FREM2: variants seen among roughly 807,000 people sequenced by gnomAD.
FREM2 encodes the protein FRAS1 related extracellular matrix 2.
In FREM2, 119 loss-of-function variants were observed where a neutral mutation model predicts 219.9. The ratio of observed to expected loss-of-function variants is 0.54; its 90% confidence interval spans 0.47 to 0.63. FREM2 has a LOEUF of 0.63. Ranked by LOEUF, FREM2 falls within the 30% of genes least tolerant of loss-of-function variation. The pLI, the probability that FREM2 is intolerant of heterozygous loss-of-function variation, is 0.00. For missense variants in FREM2, 4,030 were observed against 3,993.6 expected (o/e 1.01, Z -0.25); for synonymous variants, 1,562 against 1,522.8 (o/e 1.03, Z -0.60).
Position 38,691,611 on chromosome 13 carries a change from G to A in FREM2, c.4267G>A (p.Asp1423Asn). ...SIGSIDIVFPDVISKGVSLKE... is the reference protein window; with the variant it reads ...SIGSIDIVFPNVISKGVSLKE... ...CGGGAGCATTGACATTGTCTTCCCT[G>A]ATGTGATAAGTAAGGGAGTGTCCTT... The change falls in exon 1 of 24, where the codon GAT (aspartate) becomes AAT (asparagine). Residue 1423 changes from aspartate (D) to asparagine (N), a missense_variant. Physicochemically the swap from Asp to Asn is conservative, Grantham distance 23 (BLOSUM62 1). Transcript: ENST00000280481. The A allele has an allele frequency of 6.2e-7, 1 of 1,614,038 alleles. No individual in the cohort carries two copies. The highest frequency in any genetic ancestry group is 8.5e-7 in the Non-Finnish European group (1 of 1,179,938).
chr13:38,713,683 C>A (rs948419678), intron 2 of FREM2, among the ~76,000 whole-genome samples: 1 of 152,184 alleles, frequency 6.6e-6, no homozygotes, highest in African/African-American at 2.4e-5. Flanking sequence ...TCATGTTATC[C>A]CTTCCCCAAA....
chr13:38,857,069 T>C (rs1877590387), intron 12 of FREM2, among the ~76,000 whole-genome samples: 1 of 152,198 alleles, frequency 6.6e-6, no homozygotes, highest in South Asian at 2.1e-4. Flanking sequence ...ATGGGCAATC[T>C]TTATCAAATA....
At chr13:38,858,271 T>C (rs74048366) in intron 13 of FREM2, among the ~76,000 whole-genome samples, 168 of 152,178 alleles carry the variant, frequency 1.1e-3, no homozygotes, top group African/African-American at 3.5e-3. Context: ...CTGTCACCAA[T>C]AGAAAAATAA....
intron 16 of FREM2, 104 bp from the exon 17 acceptor site, chr13:38,872,638 A>T: frequency 1.1e-6 from 1 of 899,464 alleles, no homozygotes; most frequent in Non-Finnish European, 1.8e-6. Flanking sequence ...CTCAATGATT[A>T]CTCAAAATCT....
chr13:38,877,037 A>G, intron 20 of FREM2, 80 bp from the exon 21 acceptor site: 2 of 1,455,210 alleles, frequency 1.4e-6, no homozygotes, highest in Admixed American at 1.7e-5. Flanking sequence ...GTGTACGGTG[A>G]ATGTATGTAT....
In FREM2 at chr13:38,880,867, C is replaced by A; in HGVS notation, c.*80C>A. 2 of 1,496,900 alleles carry A rather than the reference C, an allele frequency of 1.3e-6. No individual in the cohort carries two copies. Among genetic ancestry groups the A allele is most frequent in the Non-Finnish European group, 1.8e-6 (2 of 1,081,302 alleles). 92.7% of individuals were successfully genotyped at this position (1,496,900 alleles called of 1,614,324 possible). On this transcript the variant is annotated 3_prime_UTR_variant, in exon 24 of 24. Coordinates refer to ENST00000280481, the MANE Select transcript of FREM2 (RefSeq NM_207361.6). ...GGAACCTTAAATACTTCTGGTAAAC[C>A]ATAGAGAATGGAGGATGGCTGTGAT...
chr13:38,812,929 C>A (rs927656744), intron 6 of FREM2, among the ~76,000 whole-genome samples: 92 of 149,770 alleles, frequency 6.1e-4, no homozygotes, highest in African/African-American at 1.6e-3. Context: ...AAAAAAAAAA[C>A]CCCACAAAAA....
At chr13:38,721,834 T>G (rs77220494) in intron 2 of FREM2, among the ~76,000 whole-genome samples, 2,511 of 152,300 alleles carry the variant, frequency 0.016, 22 homozygotes, top group Middle Eastern at 0.027. Context: ...TCCCAGAAAT[T>G]AAACTCCTGA....
intron 6 of FREM2, among the ~76,000 whole-genome samples, chr13:38,814,884 C>A (rs1875700299): frequency 6.6e-6 from 1 of 152,160 alleles, no homozygotes; most frequent in Non-Finnish European, 1.5e-5. Context: ...AGGCCACCAC[C>A]AATGTTGGCA....
At position 38,690,003 on chromosome 13, in the gene FREM2, G is replaced by T. The variant is rs1254198018; in HGVS notation, c.2659G>T (p.Gly887Trp). The T allele has an allele frequency of 2.5e-6, 4 of 1,614,034 alleles. No individual in the cohort carries two copies. In the South Asian group the frequency reaches 4.4e-5, roughly 18 times the overall value. Residue 887 changes from glycine (G) to tryptophan (W), a missense_variant, in exon 1 of 24, where the codon GGG becomes TGG. Transcript: ENST00000280481. ...MRVSGQILHVGGLFHLEDIKQ... is the reference protein window; with the variant it reads ...MRVSGQILHVWGLFHLEDIKQ... The stretch of plus-strand genomic sequence containing the variant: ...AGTGTCTGGACAGATCCTGCATGTA[G>T]GGGGTCTCTTCCACTTGGAGGACAT...
chr13:38,789,026 A>C (rs996800164), intron 6 of FREM2, among the ~76,000 whole-genome samples: 1 of 152,012 alleles, frequency 6.6e-6, no homozygotes, highest in African/African-American at 2.4e-5. Context: ...TAATTTTATA[A>C]ATTGCTGGAT....
chr13:38,786,321 A>G (rs370654350), intron 6 of FREM2, among the ~76,000 whole-genome samples: 259 of 152,330 alleles, frequency 1.7e-3, no homozygotes, highest in African/African-American at 6.0e-3. Context: ...AAAATGTTTG[A>G]AAACACGAAA....
At position 38,688,939 on chromosome 13, in the gene FREM2, T is replaced by G; in HGVS notation, c.1595T>G (p.Leu532Arg). ...AGAGACGGCTCGCTGAGCGACAACC[T>G]GGTGCTTCGCATGGTGGATGGAGGA... ...DDRDGSLSDN[L>R]VLRMVDGGGR... The change falls in exon 1 of 24, where the codon CTG (leucine) becomes CGG (arginine). Residue 532 changes from leucine (L) to arginine (R), a missense_variant. Leu to Arg is a moderately radical substitution (Grantham distance 102, BLOSUM62 -2). Coordinates refer to ENST00000280481, the MANE Select transcript of FREM2 (RefSeq NM_207361.6). The G allele has an allele frequency of 1.2e-6, 2 of 1,612,992 alleles. No homozygotes were observed. Among genetic ancestry groups the G allele is most frequent in the Non-Finnish European group, 1.7e-6 (2 of 1,179,472 alleles).
intron 2 of FREM2, among the ~76,000 whole-genome samples, chr13:38,714,614 A>T (rs990963752): frequency 6.6e-6 from 1 of 152,212 alleles, no homozygotes; most frequent in African/African-American, 2.4e-5. Flanking sequence ...CCACAAAAAT[A>T]ATAATTATGT....
chr13:38,825,064 A>G (rs558458538), intron 6 of FREM2, among the ~76,000 whole-genome samples: 3 of 152,200 alleles, frequency 2.0e-5, no homozygotes, highest in East Asian at 3.9e-4. Flanking sequence ...GGTTTCAATA[A>G]TACTGTCTAC....
chr13:38,756,882 T>C (rs1302435946), intron 2 of FREM2, among the ~76,000 whole-genome samples: 2 of 152,120 alleles, frequency 1.3e-5, no homozygotes, highest in African/African-American at 2.4e-5. Context: ...CACCAACAAA[T>C]AGCAGAAAAA....
chr13:38,719,550 G>C (rs546394164), intron 2 of FREM2, among the ~76,000 whole-genome samples: 38 of 152,226 alleles, frequency 2.5e-4, no homozygotes, highest in African/African-American at 8.9e-4. Context: ...GTCTCTCTCT[G>C]TGCTGACTTT....
chr13:38,765,866 G>A (rs1593393832), intron 3 of FREM2, among the ~76,000 whole-genome samples: 2 of 152,122 alleles, frequency 1.3e-5, no homozygotes, highest in Admixed American at 6.5e-5. Context: ...CCACCTGGCT[G>A]TGCTTCTCAT....
At chr13:38,806,200 C>T (rs1875220531) in intron 6 of FREM2, among the ~76,000 whole-genome samples, 1 of 151,696 alleles carries the variant, frequency 6.6e-6, no homozygotes, top group African/African-American at 2.4e-5. Context: ...GACTTGTGGC[C>T]CCATGAATCC....
Sources: gnomAD v4.1 joint callset for allele counts (sites outside exome capture counted in the v4.1 genomes callset) on GRCh38, gnomAD v4.1.1 for gene constraint, MANE v1.5 for transcripts, NCBI Gene and HGNC (gene_info 2026-07-23, HGNC 2026-07-21) for gene names.